Variants in STAG1 observed in about 807,000 individuals in gnomAD.
The protein encoded by STAG1 is cohesin subunit SA-1.
Under a neutral mutation model 170.9 loss-of-function variants are expected in STAG1, and 26 were observed. The observed-to-expected ratio is 0.15, with a 90% CI of 0.11 to 0.21. The LOEUF is 0.21. STAG1 is among the 10% of genes least tolerant of loss of function. The pLI is 1.00. For missense variants in STAG1, 964 were observed against 1,509.5 expected (o/e 0.64, Z 5.99); for synonymous variants, 514 against 497.7 (o/e 1.03, Z -0.44).
At chr3:136,746,762 T>C (rs2107957318) in intron 1 of STAG1, among the ~76,000 whole-genome samples, 1 of 151,574 alleles carries the variant, frequency 6.6e-6, no homozygotes, top group East Asian at 1.9e-4. Context: ...CAGCCTGGCC[T>C]TAGGCAGGTG....
rs1420614787 is a variant in STAG1, at chr3:136,398,866, T to A, written c.2197-37A>T. 7 of 1,311,382 alleles carry A rather than the reference T, an allele frequency of 5.3e-6. No individual in the cohort carries two copies. The Admixed American group carries it at 6.4e-5, about 12-fold the overall frequency. 81.2% of individuals were successfully genotyped at this position (1,311,382 alleles called of 1,614,324 possible). A position where few individuals can be genotyped will look rare whatever the true frequency, so the allele number is the denominator to read the frequency against. On this transcript the variant is annotated intron_variant, in intron 21 of 33. Transcript: ENST00000383202. ...GAAAAAAAATTTTTTTAATGAAAAATTCAAAAAAATGAGATCATCTGTTTG... is the reference window on the plus strand; with the variant it reads ...GAAAAAAAATTTTTTTAATGAAAAAATCAAAAAAATGAGATCATCTGTTTG...
chr3:136,467,460 T>G (rs1177676073), intron 12 of STAG1, among the ~76,000 whole-genome samples: 1 of 152,194 alleles, frequency 6.6e-6, no homozygotes, highest in East Asian at 1.9e-4. Context: ...AAGAGCTAAC[T>G]ATCCTAAATA....
intron 9 of STAG1, among the ~76,000 whole-genome samples, chr3:136,498,598 TG>T (rs1446014750): frequency 1.3e-5 from 2 of 151,624 alleles, no homozygotes; most frequent in African/African-American, 2.4e-5. Flanking sequence ...TCGCTTGTGG[TG>T]GTGGTTTTAT....
chr3:136,702,411 G>A (rs886998453), intron 1 of STAG1, among the ~76,000 whole-genome samples: 1 of 152,010 alleles, frequency 6.6e-6, no homozygotes, highest in African/African-American at 2.4e-5. Flanking sequence ...TTTTGAGATG[G>A]AGTCTTGCTC....
chr3:136,726,573 G>A (rs142695663), intron 1 of STAG1, among the ~76,000 whole-genome samples: 126 of 152,182 alleles, frequency 8.3e-4, no homozygotes, highest in African/African-American at 2.8e-3. Flanking sequence ...ACAGGTGTGC[G>A]CCACCTTGCC....
intron 9 of STAG1, among the ~76,000 whole-genome samples, chr3:136,477,705 C>T (rs1456968026): frequency 1.3e-5 from 2 of 152,120 alleles, no homozygotes; most frequent in African/African-American, 4.8e-5. Context: ...TATTACAGAG[C>T]CAAGAAACAT....
At chr3:136,736,902 C>G (rs1934374265) in intron 1 of STAG1, 5 of 1,588,048 alleles carry the variant, frequency 3.1e-6, no homozygotes, top group African/African-American at 2.7e-5. Context: ...GGGTCCTCTT[C>G]TTTTGCTCCT....
At chr3:136,610,431 T>C (rs1344537871) in intron 3 of STAG1, among the ~76,000 whole-genome samples, 2 of 152,168 alleles carry the variant, frequency 1.3e-5, no homozygotes, top group South Asian at 4.1e-4. Context: ...ACATCTTTGG[T>C]TGTGGTATTC....
intron 16 of STAG1, 59 bp from the exon 17 acceptor site, chr3:136,423,103 T>C: frequency 8.8e-7 from 1 of 1,135,984 alleles, no homozygotes; most frequent in East Asian, 2.5e-5. Flanking sequence ...TCCAAACTGT[T>C]ACATATATTG....
At chr3:136,511,148 T>C (rs34962604) in intron 7 of STAG1, among the ~76,000 whole-genome samples, 55,248 of 152,070 alleles carry the variant, frequency 0.36, 11,092 homozygotes, top group African/African-American at 0.52. Flanking sequence ...CTGTGAAGAA[T>C]GTGCCTGCTT....
rs751638233 is a variant in STAG1 at position 136,500,174 on chromosome 3, A to G, written c.902+49T>C. On this transcript the variant is annotated intron_variant, in intron 9 of 33. Transcript: ENST00000383202. The stretch of plus-strand genomic sequence containing the variant: ...TTAGCCTGGGCCACAAAAAAAATCA[A>G]TAATTGTTTAAGTGAAAAGCCTTCA... The G allele has an allele frequency of 8.5e-5, 104 of 1,227,486 alleles. No individual in the cohort carries two copies. The South Asian group carries it at 1.1e-3, about 13-fold the overall frequency. The allele number at this position is 1,227,486 out of a possible 1,614,324, so 76.0% of individuals were successfully genotyped here. A position where few individuals can be genotyped will look rare whatever the true frequency, so the allele number is the denominator to read the frequency against.
chr3:136,502,861 G>T, intron 7 of STAG1, 82 bp from the exon 8 acceptor site: 2 of 1,115,104 alleles, frequency 1.8e-6, no homozygotes, highest in Non-Finnish European at 2.4e-6. Flanking sequence ...GCCAATGGAT[G>T]AAGAAATGAA....
intron 9 of STAG1, among the ~76,000 whole-genome samples, chr3:136,485,372 G>A (rs560833158): frequency 5.1e-4 from 78 of 152,132 alleles, no homozygotes; most frequent in Non-Finnish European, 3.4e-4. Flanking sequence ...CAGGAGAATC[G>A]TTTGAACCCA....
At chr3:136,363,835 GCCT>G (rs2108287498) in intron 25 of STAG1, among the ~76,000 whole-genome samples, 1 of 152,246 alleles carries the variant, frequency 6.6e-6, no homozygotes, top group Admixed American at 6.5e-5. Flanking sequence ...GCTCACTGCA[GCCT>G]TCAACTCTGG....
intron 22 of STAG1, among the ~76,000 whole-genome samples, chr3:136,383,691 C>A (rs1938099554): frequency 6.6e-6 from 1 of 152,186 alleles, no homozygotes; most frequent in East Asian, 1.9e-4. Flanking sequence ...CGCGGTGGCT[C>A]ACGCCTGTAA....
chr3:136,750,097 T>C (rs1398145931), intron 1 of STAG1, among the ~76,000 whole-genome samples: 1 of 152,172 alleles, frequency 6.6e-6, no homozygotes, highest in Non-Finnish European at 1.5e-5. Context: ...CTGTACAAAA[T>C]TCTGTAAATT....
intron 16 of STAG1, among the ~76,000 whole-genome samples, chr3:136,423,747 T>C (rs1576451861): frequency 6.6e-6 from 1 of 152,348 alleles, no homozygotes; most frequent in South Asian, 2.1e-4. Context: ...CAAATGGTTT[T>C]ACGGAACAGA....
intron 21 of STAG1, among the ~76,000 whole-genome samples, chr3:136,405,372 G>C (rs1276419654): frequency 1.3e-5 from 2 of 150,198 alleles, no homozygotes; most frequent in Non-Finnish European, 3.0e-5. Context: ...TTTCCGAGTA[G>C]CTAGGATTAC....
intron 12 of STAG1, among the ~76,000 whole-genome samples, chr3:136,471,023 G>A (rs4678269): frequency 0.34 from 51,713 of 151,070 alleles, 11,168 homozygotes; most frequent in East Asian, 0.8. Context: ...TATACCTAAT[G>A]TAAATGACGA....
Sources: gnomAD v4.1 joint callset for allele counts (sites outside exome capture counted in the v4.1 genomes callset) on GRCh38, gnomAD v4.1.1 for gene constraint, MANE v1.5 for transcripts, NCBI Gene and HGNC (gene_info 2026-07-23, HGNC 2026-07-21) for gene names.